The following MAP2K6 variants were observed in gnomAD, a reference collection of about 807,000 sequenced individuals.
MAP2K6 encodes dual specificity mitogen-activated protein kinase kinase 6.
A neutral mutation model predicts 53.7 loss-of-function variants in MAP2K6; 16 were observed. That is an observed-to-expected ratio of 0.30 (90% CI 0.20 to 0.45). MAP2K6 has a LOEUF of 0.45. Ranked by LOEUF, MAP2K6 falls within the 20% of genes least tolerant of loss-of-function variation. MAP2K6 has a pLI of 1.00. For synonymous variants in MAP2K6, 132 were observed against 143.1 expected (o/e 0.92, Z 0.55); for missense variants, 204 against 411.9 (o/e 0.50, Z 4.37).
intron 7 of MAP2K6, among the ~76,000 whole-genome samples, chr17:69,523,153 T>G (rs571988453): frequency 5.3e-5 from 8 of 152,356 alleles, no homozygotes; most frequent in African/African-American, 1.9e-4. Context: ...CTTTGTTTTA[T>G]TACTCCTACG....
At chr17:69,443,265 C>T (rs1906875203) in intron 1 of MAP2K6, among the ~76,000 whole-genome samples, 1 of 152,242 alleles carries the variant, frequency 6.6e-6, no homozygotes, top group Middle Eastern at 3.4e-3. Flanking sequence ...TGTGGCTGTT[C>T]CCTTCTGTCC....
At position 69,553,576 on chromosome 17, in the gene MAP2K6, A is replaced by G. The variant is rs1912180465; in HGVS notation, c.*11823A>G. The G allele has an allele frequency of 6.6e-6, 1 of 152,250 alleles. No homozygotes were observed. The highest frequency in any genetic ancestry group is 6.5e-5 in the Admixed American group (1 of 15,292). The allele number at this position is 152,250 out of a possible 1,614,324, so 9.4% of individuals were successfully genotyped here. A position where few individuals can be genotyped will look rare whatever the true frequency, so the allele number is the denominator to read the frequency against. ...GAAAGGAACAAGCTGCAGACACTGT[A>G]ACTGGTCTCCAGATGTGTGTATATG... On this transcript the variant is annotated 3_prime_UTR_variant, in exon 12 of 12. Coordinates refer to ENST00000590474, the MANE Select transcript of MAP2K6 (RefSeq NM_002758.4).
intron 1 of MAP2K6, among the ~76,000 whole-genome samples, chr17:69,418,256 G>A (rs1162867702): frequency 1.3e-5 from 2 of 152,038 alleles, no homozygotes; most frequent in Admixed American, 6.5e-5. Flanking sequence ...TAGAGCATGC[G>A]GCCTGTTAAC....
intron 1 of MAP2K6, among the ~76,000 whole-genome samples, chr17:69,428,593 T>G (rs1906345584): frequency 6.6e-6 from 1 of 152,178 alleles, no homozygotes; most frequent in African/African-American, 2.4e-5. Context: ...GTTCAACCCA[T>G]AACATGGCAG....
At chr17:69,532,096 G>A (rs1333583811) in intron 10 of MAP2K6, among the ~76,000 whole-genome samples, 1 of 152,090 alleles carries the variant, frequency 6.6e-6, no homozygotes, top group Non-Finnish European at 1.5e-5. Context: ...CCAGTCTGAT[G>A]GCATATTGAA....
intron 1 of MAP2K6, among the ~76,000 whole-genome samples, chr17:69,448,524 A>T (rs370251440): frequency 6.6e-6 from 1 of 152,070 alleles, no homozygotes; most frequent in East Asian, 1.9e-4. Flanking sequence ...GAGTCTGCCC[A>T]TCACTGCCTT....
intron 1 of MAP2K6, among the ~76,000 whole-genome samples, chr17:69,467,848 T>A (rs73363621): frequency 0.012 from 1,762 of 151,704 alleles, 38 homozygotes; most frequent in African/African-American, 0.041. Context: ...TTCAACTCAC[T>A]GCAACAACCC....
chr17:69,466,281 C>T (rs1951255325), intron 1 of MAP2K6, among the ~76,000 whole-genome samples: 1 of 145,232 alleles, frequency 6.9e-6, no homozygotes, highest in Non-Finnish European at 1.5e-5. Flanking sequence ...CGGAGTGAGA[C>T]TGTCTCAAAA....
chr17:69,509,120 A>G (rs1398491440), intron 2 of MAP2K6, among the ~76,000 whole-genome samples: 1 of 152,210 alleles, frequency 6.6e-6, no homozygotes. Flanking sequence ...AAGTTTTAGA[A>G]TAAGCTTATC....
At chr17:69,510,861 G>A (rs547337171) in intron 2 of MAP2K6, among the ~76,000 whole-genome samples, 2 of 149,010 alleles carry the variant, frequency 1.3e-5, no homozygotes, top group East Asian at 2.0e-4. Context: ...TGTCAATTTT[G>A]CTTGAGGTTT....
At chr17:69,521,930 C>G (rs538078866) in intron 7 of MAP2K6, 1 of 151,796 alleles carries the variant, frequency 6.6e-6, no homozygotes, top group South Asian at 2.1e-4. Context: ...CACCTAAGGT[C>G]AGGAATTTGA....
intron 1 of MAP2K6, chr17:69,504,508 C>G (rs1013827995): frequency 6.6e-6 from 1 of 152,248 alleles, no homozygotes; most frequent in African/African-American, 2.4e-5. Flanking sequence ...ATCTCCTGAC[C>G]TCGTGATTCG....
At chr17:69,481,220 C>G (rs926441888) in intron 1 of MAP2K6, among the ~76,000 whole-genome samples, 4 of 152,126 alleles carry the variant, frequency 2.6e-5, no homozygotes, top group Non-Finnish European at 1.5e-5. Flanking sequence ...CTCCAGGTAC[C>G]TTGTTTAAGT....
Position 69,521,029 on chromosome 17 carries a change from A to G in MAP2K6, c.484-20A>G. ...TTCCAGCAATGTGATAAATAAATCT[A>G]TCTTGTGTTTCTCTTGCAGATTGTA... is the stretch of plus-strand genomic sequence containing the variant. On this transcript the variant is annotated intron_variant, in intron 6 of 11. Coordinates refer to ENST00000590474, the MANE Select transcript of MAP2K6 (RefSeq NM_002758.4). The G allele has an allele frequency of 1.9e-6, 3 of 1,577,914 alleles. No individual in the cohort carries two copies. Among genetic ancestry groups the G allele is most frequent in the South Asian group, 2.3e-5 (2 of 87,746 alleles).
chr17:69,437,264 C>G (rs943917748), intron 1 of MAP2K6, among the ~76,000 whole-genome samples: 2 of 151,952 alleles, frequency 1.3e-5, no homozygotes, highest in Non-Finnish European at 2.9e-5. Flanking sequence ...TTACAATAAC[C>G]TAAGCTAGAG....
intron 1 of MAP2K6, among the ~76,000 whole-genome samples, chr17:69,488,766 C>G (rs977803077): frequency 6.6e-6 from 1 of 152,036 alleles, no homozygotes; most frequent in Non-Finnish European, 1.5e-5. Flanking sequence ...CTAGTAGAAG[C>G]TTGAAGGAGG....
At chr17:69,451,866 C>T (rs1013332811) in intron 1 of MAP2K6, among the ~76,000 whole-genome samples, 18 of 152,128 alleles carry the variant, frequency 1.2e-4, no homozygotes, top group African/African-American at 3.9e-4. Context: ...GAGAGAGTGC[C>T]TCAGGCTGAA....
chr17:69,534,560 CTCT>C (rs1188573912), intron 10 of MAP2K6, among the ~76,000 whole-genome samples: 3 of 131,196 alleles, frequency 2.3e-5, no homozygotes, highest in Admixed American at 9.1e-5. Flanking sequence ...CTTTCTCTCT[CTCT>C]TTTTTTTTTT....
chr17:69,523,372 A>T, intron 7 of MAP2K6, 142 bp from the exon 8 acceptor site: 1 of 913,384 alleles, frequency 1.1e-6, no homozygotes, highest in Non-Finnish European at 1.7e-6. Context: ...ACTGTGGGTC[A>T]GGGATGGCAG....
Sources: allele counts gnomAD v4.1 joint callset (sites outside exome capture counted in the v4.1 genomes callset), GRCh38; gene constraint gnomAD v4.1.1; transcripts MANE v1.5; gene names NCBI Gene and HGNC (gene_info 2026-07-23, HGNC 2026-07-21).